Variants in CLSTN2 observed in about 807,000 individuals in gnomAD.
The protein encoded by CLSTN2 is calsyntenin 2, also known as calsyntenin-2.
In CLSTN2, 48 loss-of-function variants were observed where a neutral mutation model predicts 101.2. That is an observed-to-expected ratio of 0.47 (90% confidence interval 0.38 to 0.60). The LOEUF (loss-of-function observed/expected upper bound fraction) is 0.60, where lower values mean the gene tolerates loss of function less well. Ranked by LOEUF, CLSTN2 falls within the 20% of genes least tolerant of loss-of-function variation. The pLI, the probability that CLSTN2 is intolerant of heterozygous loss-of-function variation, is 0.00. For synonymous variants in CLSTN2, 481 were observed against 463.6 expected (o/e 1.04, Z -0.48); for missense variants, 1,160 against 1,238.2 (o/e 0.94, Z 0.95).
At chr3:140,433,626 C>T (rs2088659522) in intron 5 of CLSTN2, among the ~76,000 whole-genome samples, 1 of 152,198 alleles carries the variant, frequency 6.6e-6, no homozygotes, top group African/African-American at 2.4e-5. Flanking sequence ...CCATTTGACT[C>T]AAGGACATTG....
At chr3:139,994,393 A>T (rs576953481) in intron 1 of CLSTN2, among the ~76,000 whole-genome samples, 4 of 152,330 alleles carry the variant, frequency 2.6e-5, no homozygotes, top group African/African-American at 9.6e-5. Flanking sequence ...CTTGGTAGTC[A>T]TCATACCCAC....
chr3:140,427,740 T>C (rs79186335), intron 5 of CLSTN2, among the ~76,000 whole-genome samples: 5,034 of 152,212 alleles, frequency 0.033, 300 homozygotes, highest in African/African-American at 0.11. Context: ...TTCTAAGCTT[T>C]CTCTATTTTC....
intron 1 of CLSTN2, among the ~76,000 whole-genome samples, chr3:140,168,700 A>AT (rs1196328742): frequency 1.3e-5 from 2 of 151,954 alleles, no homozygotes; most frequent in Non-Finnish European, 1.5e-5. Flanking sequence ...ACTGGAGTTT[A>AT]TTTTTTTGGC....
At chr3:140,552,498 T>C (rs1399886690) in intron 10 of CLSTN2, among the ~76,000 whole-genome samples, 1 of 151,964 alleles carries the variant, frequency 6.6e-6, no homozygotes, top group East Asian at 1.9e-4. Flanking sequence ...CCCACATTCA[T>C]GCGCTGTGAC....
At chr3:140,186,912 G>A (rs937096205) in intron 2 of CLSTN2, among the ~76,000 whole-genome samples, 4 of 151,966 alleles carry the variant, frequency 2.6e-5, no homozygotes, top group Non-Finnish European at 5.9e-5. Flanking sequence ...CAAAGAGCAA[G>A]GAGTTAAAAA....
intron 6 of CLSTN2, among the ~76,000 whole-genome samples, chr3:140,455,588 G>T (rs771143002): frequency 6.6e-6 from 1 of 152,166 alleles, no homozygotes; most frequent in Non-Finnish European, 1.5e-5. Flanking sequence ...AGCTGCAGCT[G>T]CTGTATACAA....
chr3:140,105,050 C>T lies in CLSTN2; in HGVS notation c.110-70901C>T, dbSNP rs961437586. Among the ~76,000 whole-genome samples, 6 of 152,178 alleles carry T rather than the reference C, an allele frequency of 3.9e-5. 1 individual carries two copies. In the South Asian group the frequency reaches 1.2e-3, roughly 32 times the overall value. ...TAGAAATCTTATTCCAGGACAAGGGCTCTGGTGTTTTATTCAAGTCTTGTG... is the reference window on the plus strand; with the variant it reads ...TAGAAATCTTATTCCAGGACAAGGGTTCTGGTGTTTTATTCAAGTCTTGTG... On this transcript the variant is annotated intron_variant, in intron 1 of 16. Coordinates refer to ENST00000458420, the MANE Select transcript of CLSTN2 (RefSeq NM_022131.3).
At chr3:140,007,438 C>T (rs758583520) in intron 1 of CLSTN2, among the ~76,000 whole-genome samples, 21 of 152,304 alleles carry the variant, frequency 1.4e-4, no homozygotes, top group Non-Finnish European at 2.8e-4. Flanking sequence ...TGCATTTCGA[C>T]GGGGCAGCCT....
intron 2 of CLSTN2, among the ~76,000 whole-genome samples, chr3:140,389,684 T>C (rs997914901): frequency 1.3e-5 from 2 of 152,212 alleles, no homozygotes; most frequent in Admixed American, 1.3e-4. Context: ...GTGTTTCTGG[T>C]TCTAGGTCTT....
chr3:140,466,785 G>T, intron 8 of CLSTN2, 54 bp downstream of exon 8: 2 of 1,609,806 alleles, frequency 1.2e-6, no homozygotes, highest in Middle Eastern at 4.0e-4. Context: ...GGGGTGGCCA[G>T]TCCAATCCAA....
At chr3:140,130,605 A>G (rs2009507165) in intron 1 of CLSTN2, among the ~76,000 whole-genome samples, 1 of 152,138 alleles carries the variant, frequency 6.6e-6, no homozygotes, top group African/African-American at 2.4e-5. Flanking sequence ...AGAGGCTCAC[A>G]TTCTTCTAAT....
intron 2 of CLSTN2, among the ~76,000 whole-genome samples, chr3:140,367,606 C>T (rs2087807182): frequency 6.6e-6 from 1 of 150,410 alleles, no homozygotes; most frequent in South Asian, 2.1e-4. Context: ...AGCTATTTTA[C>T]TTCTAGCACC....
intron 2 of CLSTN2, among the ~76,000 whole-genome samples, chr3:140,177,964 A>C (rs998445256): frequency 6.6e-6 from 1 of 152,034 alleles, no homozygotes; most frequent in Non-Finnish European, 1.5e-5. Context: ...AGGCCCTTCC[A>C]CCAAGAAGAT....
intron 1 of CLSTN2, among the ~76,000 whole-genome samples, chr3:140,099,121 AT>A (rs2008923348): frequency 6.6e-6 from 1 of 152,204 alleles, no homozygotes. Context: ...CTTAGGGCAG[AT>A]TTTAATAGAA....
chr3:140,077,564 C>T (rs1329038208), intron 1 of CLSTN2, among the ~76,000 whole-genome samples: 3 of 152,140 alleles, frequency 2.0e-5, no homozygotes, highest in Non-Finnish European at 4.4e-5. Flanking sequence ...GGGAGACTCT[C>T]TTTAGTGAGA....
Position 140,566,327 on chromosome 3 carries a change from T to C in CLSTN2, c.*74T>C. On this transcript the variant is annotated 3_prime_UTR_variant, in exon 17 of 17. Coordinates refer to ENST00000458420, the MANE Select transcript of CLSTN2 (RefSeq NM_022131.3). Reference sequence around the variant, plus strand: ...ACCCAGTGTATGCCCATGTCTATCATACCTCACCTCTGATGTCTGTGACAT... The same window carrying C: ...ACCCAGTGTATGCCCATGTCTATCACACCTCACCTCTGATGTCTGTGACAT... The C allele has an allele frequency of 7.2e-7, 1 of 1,389,844 alleles. No homozygotes were observed. Among genetic ancestry groups the C allele is most frequent in the Non-Finnish European group, 1.0e-6 (1 of 1,003,890 alleles). 86.1% of individuals were successfully genotyped at this position (1,389,844 alleles called of 1,614,324 possible).
intron 4 of CLSTN2, among the ~76,000 whole-genome samples, chr3:140,409,667 C>T (rs1029429249): frequency 6.6e-6 from 1 of 152,036 alleles, no homozygotes; most frequent in Non-Finnish European, 1.5e-5. Context: ...TGTGGTAGCA[C>T]CAAAGCAACA....
In CLSTN2 at chr3:140,569,018, C is replaced by T. The variant is rs1985434108; in HGVS notation, c.*2765C>T. The T allele has an allele frequency of 6.6e-6, 1 of 152,264 alleles. No individual in the cohort carries two copies. The highest frequency in any genetic ancestry group is 2.1e-4 in the South Asian group (1 of 4,822). The allele number at this position is 152,264 out of a possible 1,614,324, so 9.4% of individuals were successfully genotyped here. The stretch of plus-strand genomic sequence containing the variant: ...CTGCATGTCAGCTACAAAGATCAGG[C>T]ACTTGAATGAATCCGCTGGGTTGGC... On this transcript the variant is annotated 3_prime_UTR_variant, in exon 17 of 17. Transcript: ENST00000458420.
intron 1 of CLSTN2, among the ~76,000 whole-genome samples, chr3:140,019,334 A>G (rs1044673439): frequency 6.6e-6 from 1 of 152,178 alleles, no homozygotes; most frequent in South Asian, 2.1e-4. Context: ...TCATCCAATC[A>G]TTTGAAGGCC....
Sources: gnomAD v4.1 joint callset for allele counts (sites outside exome capture counted in the v4.1 genomes callset) on GRCh38, gnomAD v4.1.1 for gene constraint, MANE v1.5 for transcripts, NCBI Gene and HGNC (gene_info 2026-07-23, HGNC 2026-07-21) for gene names.